The following VTI1A variants were observed in gnomAD, a reference collection of about 807,000 sequenced individuals.
The protein encoded by VTI1A is vesicle transport through interaction with t-SNAREs homolog 1A.
A neutral mutation model predicts 34.9 loss-of-function variants in VTI1A; 22 were observed. That is an observed-to-expected ratio of 0.63 (90% CI 0.45 to 0.90). The LOEUF (loss-of-function observed/expected upper bound fraction) is 0.90, where lower values mean the gene tolerates loss of function less well. Among genes scored for constraint, VTI1A ranks in the 40% least tolerant of loss-of-function variants. The probability of loss-of-function intolerance (pLI) is 0.00; values close to 1 mark genes in which losing one functional copy is unlikely to be tolerated. For missense variants in VTI1A, 268 were observed against 275.6 expected, an observed-to-expected ratio of 0.97 and a Z score of 0.20; for synonymous variants, 87 against 97.3, an observed-to-expected ratio of 0.89 and a Z score of 0.62.
intron 7 of VTI1A, among the ~76,000 whole-genome samples, chr10:112,692,921 C>T (rs963377806): frequency 6.6e-6 from 1 of 152,196 alleles, no homozygotes; most frequent in African/African-American, 2.4e-5. Context: ...TCATCTCTGC[C>T]TCACCGTGTC....
Position 112,538,337 on chromosome 10 carries a change from A to G in VTI1A, c.427+7A>G. 6.2e-7 allele frequency: 1 copy of G among 1,613,208 alleles called. No homozygotes were observed. The highest frequency in any genetic ancestry group is 8.5e-7 in the Non-Finnish European group (1 of 1,179,310). On this transcript the variant is annotated splice_region_variant and intron_variant, in intron 5 of 7. Coordinates refer to ENST00000393077, the MANE Select transcript of VTI1A (RefSeq NM_145206.4). Reference sequence around the variant, plus strand: ...CAAATAGCAGTGGAAACCGGTAAGAATTCTGAGAGTGAGCAAATTGTCTTG... The same window carrying G: ...CAAATAGCAGTGGAAACCGGTAAGAGTTCTGAGAGTGAGCAAATTGTCTTG...
At chr10:112,529,377 C>T (rs1328394179) in intron 4 of VTI1A, among the ~76,000 whole-genome samples, 1 of 152,118 alleles carries the variant, frequency 6.6e-6, no homozygotes, top group Non-Finnish European at 1.5e-5. Context: ...TAAAACACAT[C>T]CTTAACTAGG....
intron 7 of VTI1A, among the ~76,000 whole-genome samples, chr10:112,765,134 GAATTT>G (rs1851601830): frequency 6.6e-6 from 1 of 152,210 alleles, no homozygotes; most frequent in African/African-American, 2.4e-5. Context: ...TTTACTAATT[GAATTT>G]GAGTGTGCTA....
chr10:112,836,649 A>C, the VTI1A span, among the ~76,000 whole-genome samples: 1 of 152,206 alleles, frequency 6.6e-6, no homozygotes, highest in African/African-American at 2.4e-5. Flanking sequence ...TAGCACTTGA[A>C]TCTGTCTTCT....
At chr10:112,815,137 G>GCACACA (rs553734279) in intron 7 of VTI1A, among the ~76,000 whole-genome samples, 153 bp from the exon 8 acceptor site, 4,102 of 77,172 alleles carry the variant, frequency 0.053, 103 homozygotes, top group Admixed American at 0.13. Flanking sequence ...TCTTTCGCGC[G>GCACACA]CGCACACACA....
intron 5 of VTI1A, among the ~76,000 whole-genome samples, chr10:112,576,070 G>A (rs550606963): frequency 4.1e-5 from 6 of 145,920 alleles, no homozygotes; most frequent in African/African-American, 1.5e-4. Context: ...GCCCAGGCCG[G>A]ACTGCAGTGG....
intron 5 of VTI1A, among the ~76,000 whole-genome samples, chr10:112,602,704 G>A (rs191455192): frequency 4.4e-4 from 67 of 152,296 alleles, no homozygotes; most frequent in Non-Finnish European, 7.8e-4. Flanking sequence ...CTACTAACAT[G>A]TTTATAAAGG....
chr10:112,738,623 C>T (rs558621414), intron 7 of VTI1A, among the ~76,000 whole-genome samples: 4 of 152,226 alleles, frequency 2.6e-5, no homozygotes, highest in Middle Eastern at 3.4e-3. Context: ...ATCTTTTCTC[C>T]CCAATACAGT....
chr10:112,525,522 A>G (rs1850192697), intron 3 of VTI1A, among the ~76,000 whole-genome samples: 1 of 152,190 alleles, frequency 6.6e-6, no homozygotes, highest in African/African-American at 2.4e-5. Context: ...AGCTACCTTT[A>G]GAATTCCATG....
intron 7 of VTI1A, among the ~76,000 whole-genome samples, chr10:112,762,747 A>G (rs1851512297): frequency 1.3e-5 from 2 of 152,192 alleles, no homozygotes; most frequent in Non-Finnish European, 2.9e-5. Context: ...CTGCCTGAAA[A>G]TGAACATTTT....
At chr10:112,693,138 A>G (rs1195148953) in intron 7 of VTI1A, among the ~76,000 whole-genome samples, 1 of 152,254 alleles carries the variant, frequency 6.6e-6, no homozygotes, top group African/African-American at 2.4e-5. Context: ...AGTGAAGTGC[A>G]GCCCATTTTT....
chr10:112,653,010 G>A lies in VTI1A; in HGVS notation c.428-15208G>A, dbSNP rs540834872. Among the ~76,000 whole-genome samples the A allele has an allele frequency of 2.4e-4, 37 of 152,344 alleles. No homozygotes were observed. In the Middle Eastern group the frequency reaches 0.017, roughly 70 times the overall value. On this transcript the variant is annotated intron_variant, in intron 5 of 7. Transcript: ENST00000393077. ...AAAATGAAAGTACACTCCACAGGTTGGGGGCGACCTGAGCATAGGGGCTCA... is the reference window on the plus strand; with the variant it reads ...AAAATGAAAGTACACTCCACAGGTTAGGGGCGACCTGAGCATAGGGGCTCA...
chr10:112,456,835 C>T (rs776500536), intron 1 of VTI1A, among the ~76,000 whole-genome samples: 1 of 152,154 alleles, frequency 6.6e-6, no homozygotes, highest in Non-Finnish European at 1.5e-5. Flanking sequence ...ATAGTTAGAG[C>T]CGCTCAAGAC....
Position 112,464,593 on chromosome 10 carries a change from G to A in VTI1A, c.200G>A (p.Arg67Gln), listed in dbSNP as rs1033388126. Residue 67 changes from arginine to glutamine, a missense_variant, in exon 3 of 8, where the codon CGA (arginine) becomes CAA (glutamine). Physicochemically the swap from Arg to Gln is conservative, Grantham distance 43. Transcript: ENST00000393077. ...LEVREIPPQS[R>Q]GMYSNRMRSY... ...GTCCGAGAGATACCACCCCAAAGTC[G>A]AGGGATGTACAGCAACAGAATGAGA... The A allele has an allele frequency of 6.8e-6, 11 of 1,612,886 alleles. No individual in the cohort carries two copies. The highest frequency in any genetic ancestry group is 2.2e-5 in the East Asian group (1 of 44,778).
chr10:112,497,045 C>A (rs768843438), intron 3 of VTI1A, among the ~76,000 whole-genome samples: 2 of 152,080 alleles, frequency 1.3e-5, no homozygotes, highest in African/African-American at 2.4e-5. Flanking sequence ...GAGCTGGGTG[C>A]GGTGGCTTAT....
At chr10:112,483,714 G>T (rs1024630148) in intron 3 of VTI1A, among the ~76,000 whole-genome samples, 1 of 152,072 alleles carries the variant, frequency 6.6e-6, no homozygotes, top group Non-Finnish European at 1.5e-5. Context: ...CAAATATCCC[G>T]TTGGGGGCAA....
At chr10:112,815,177 C>CACA in intron 7 of VTI1A, 113 bp from the exon 8 acceptor site, 1 of 343,878 alleles carries the variant, frequency 2.9e-6, no homozygotes, top group East Asian at 4.8e-5. Context: ...ACACACGCTC[C>CACA]CCACCCCCAC....
At chr10:112,563,092 G>T (rs1423927667) in intron 5 of VTI1A, among the ~76,000 whole-genome samples, 1 of 152,102 alleles carries the variant, frequency 6.6e-6, no homozygotes, top group East Asian at 1.9e-4. Flanking sequence ...CTCTCTAAAT[G>T]TGCTAATTCC....
rs180904964 is a variant in VTI1A, at chr10:112,688,626, G to A, written c.560+19628G>A. Among the ~76,000 whole-genome samples, 623 of 148,820 alleles carry A rather than the reference G, an allele frequency of 4.2e-3. 5 individuals are homozygous for A. Among genetic ancestry groups the A allele is most frequent in the African/African-American group, 0.014 (583 of 40,404 alleles). On this transcript the variant is annotated intron_variant, in intron 7 of 7. Transcript: ENST00000393077. Reference sequence around the variant, plus strand: ...AACCTCCGCCTCCTAGGTTCAAGCCGTTCTCCTGCCTCAGCCTCCCTAGTA... The same window carrying A: ...AACCTCCGCCTCCTAGGTTCAAGCCATTCTCCTGCCTCAGCCTCCCTAGTA...
Sources: gnomAD v4.1 joint callset for allele counts (sites outside exome capture counted in the v4.1 genomes callset) on GRCh38, gnomAD v4.1.1 for gene constraint, MANE v1.5 for transcripts, NCBI Gene and HGNC (gene_info 2026-07-23, HGNC 2026-07-21) for gene names.